The following STIM2 variants were observed in gnomAD, a reference collection of about 807,000 sequenced individuals.
STIM2 encodes stromal interaction molecule 2.
A neutral mutation model predicts 85.8 loss-of-function variants in STIM2; 31 were observed. The ratio of observed to expected loss-of-function variants is 0.36; its 90% CI spans 0.27 to 0.49. The LOEUF is 0.49. STIM2 is among the 20% of genes least tolerant of loss of function. The pLI, the probability that STIM2 is intolerant of heterozygous loss-of-function variation, is 0.98. For missense variants in STIM2, 841 were observed against 927.6 expected, an observed-to-expected ratio of 0.91 and a Z score of 1.21; for synonymous variants, 356 against 331.1, an observed-to-expected ratio of 1.08 and a Z score of -0.82.
chr4:26,959,830 G>C (rs762556824), intron 3 of STIM2, among the ~76,000 whole-genome samples: 58 of 151,804 alleles, frequency 3.8e-4, no homozygotes, highest in Non-Finnish European at 1.3e-4. Flanking sequence ...GATTTCCTCA[G>C]TTCAAACAGT....
intron 3 of STIM2, among the ~76,000 whole-genome samples, chr4:26,976,091 T>C (rs1727176192): frequency 1.3e-5 from 2 of 152,210 alleles, no homozygotes; most frequent in Admixed American, 1.3e-4. Context: ...TGCTGGTTGC[T>C]AAGACCTTGG....
At chr4:26,880,178 T>G (rs983277364) in intron 1 of STIM2, among the ~76,000 whole-genome samples, 2 of 152,196 alleles carry the variant, frequency 1.3e-5, no homozygotes, top group African/African-American at 4.8e-5. Context: ...TCTACCCAGC[T>G]TCCTTTCTGC....
At chr4:26,958,502 T>C (rs1726330797) in intron 3 of STIM2, among the ~76,000 whole-genome samples, 1 of 152,188 alleles carries the variant, frequency 6.6e-6, no homozygotes, top group African/African-American at 2.4e-5. Flanking sequence ...AAAGTTTACT[T>C]GAGTCATTAT....
chr4:26,972,272 A>G (rs1008162414), intron 3 of STIM2, among the ~76,000 whole-genome samples: 151 of 152,094 alleles, frequency 9.9e-4, no homozygotes, highest in African/African-American at 3.3e-3. Context: ...AACTCCCAAC[A>G]CTATGTTGAA....
chr4:26,919,892 C>A (rs1724734334), intron 2 of STIM2, among the ~76,000 whole-genome samples: 1 of 152,096 alleles, frequency 6.6e-6, no homozygotes, highest in Admixed American at 6.6e-5. Context: ...AAACATGTAT[C>A]CTATTCTGAC....
chr4:26,993,375 A>G (rs1348868463), intron 3 of STIM2, among the ~76,000 whole-genome samples: 1 of 152,162 alleles, frequency 6.6e-6, no homozygotes, highest in African/African-American at 2.4e-5. Context: ...CTTTGTTTCA[A>G]TATAAAACTA....
chr4:26,887,026 T>C (rs749001625), intron 1 of STIM2, among the ~76,000 whole-genome samples: 1 of 152,032 alleles, frequency 6.6e-6, no homozygotes, highest in Admixed American at 6.6e-5. Context: ...GTCCTGAAAA[T>C]CAAGTTCATT....
chr4:26,939,654 G>A (rs867088012), intron 2 of STIM2, among the ~76,000 whole-genome samples: 1 of 151,930 alleles, frequency 6.6e-6, no homozygotes, highest in Non-Finnish European at 1.5e-5. Context: ...TGTTAATTGG[G>A]GATGTTTGAA....
At chr4:26,901,158 G>A (rs560349776) in intron 1 of STIM2, among the ~76,000 whole-genome samples, 1 of 152,170 alleles carries the variant, frequency 6.6e-6, no homozygotes, top group South Asian at 2.1e-4. Flanking sequence ...AATCTCAAGC[G>A]TGCTTGTCCG....
At chr4:26,917,269 T>C (rs1307867722) in intron 1 of STIM2, among the ~76,000 whole-genome samples, 1 of 152,202 alleles carries the variant, frequency 6.6e-6, no homozygotes, top group Non-Finnish European at 1.5e-5. Context: ...CCCTTAAATG[T>C]TTACCACTAC....
Position 27,008,744 on chromosome 4 carries a change from T to A in STIM2, c.1251-20T>A. 6.2e-7 allele frequency: 1 copy of A among 1,612,300 alleles called. No individual in the cohort carries two copies. The highest frequency in any genetic ancestry group is 8.5e-7 in the Non-Finnish European group (1 of 1,178,566). Reference sequence around the variant, plus strand: ...AAGACCTTTTGATGCAGTAAGTAATTTCTTTATTGGCTTTTCCAGGAAAGC... The same window carrying A: ...AAGACCTTTTGATGCAGTAAGTAATATCTTTATTGGCTTTTCCAGGAAAGC... On this transcript the variant is annotated intron_variant, in intron 9 of 11. Coordinates refer to ENST00000467087, the MANE Select transcript of STIM2 (RefSeq NM_020860.4).
chr4:26,981,156 A>G (rs1727374234), intron 3 of STIM2, among the ~76,000 whole-genome samples: 1 of 152,214 alleles, frequency 6.6e-6, no homozygotes, highest in South Asian at 2.1e-4. Flanking sequence ...GATTTGTGAC[A>G]TCGGACAGGA....
intron 3 of STIM2, among the ~76,000 whole-genome samples, chr4:26,970,975 G>C (rs1335888506): frequency 6.6e-6 from 1 of 152,162 alleles, no homozygotes; most frequent in African/African-American, 2.4e-5. Context: ...GTTTTAATTT[G>C]CATTTCTCTG....
At chr4:26,987,473 C>T (rs1400660058) in intron 3 of STIM2, among the ~76,000 whole-genome samples, 2 of 152,036 alleles carry the variant, frequency 1.3e-5, no homozygotes, top group Non-Finnish European at 2.9e-5. Context: ...ATAGTCCCGC[C>T]CTTCCCCATA....
At chr4:26,893,679 A>G (rs1010894024) in intron 1 of STIM2, among the ~76,000 whole-genome samples, 4 of 152,178 alleles carry the variant, frequency 2.6e-5, no homozygotes, top group African/African-American at 7.2e-5. Context: ...GGGTTAGGTG[A>G]TATCAGCTTT....
In STIM2 at chr4:26,885,859, A is replaced by ATGTATATATATATATATATATATATATG. The variant is rs1396343361; in HGVS notation, c.151+24491_151+24492insGTATATATATATATATATATATATATGT. 3.4e-4 allele frequency among the ~76,000 whole-genome samples: 30 copies of ATGTATATATATATATATATATATATATG among 89,428 alleles called. 1 individual carries two copies. In the East Asian group the frequency reaches 6.7e-3, roughly 20 times the overall value. 58.7% of individuals were successfully genotyped at this position (89,428 alleles called of 152,430 possible). A position where few individuals can be genotyped will look rare whatever the true frequency, so the allele number is the denominator to read the frequency against. ...TATATATATATATATATATATATAT[A>ATGTATATATATATATATATATATATATG]TATATATATATATATGTATATGTCT... is the stretch of plus-strand genomic sequence containing the variant. On this transcript the variant is annotated intron_variant, in intron 1 of 11. Coordinates refer to ENST00000467087, the MANE Select transcript of STIM2 (RefSeq NM_020860.4).
intron 2 of STIM2, among the ~76,000 whole-genome samples, chr4:26,947,566 G>A (rs1725879758): frequency 6.6e-6 from 1 of 152,046 alleles, no homozygotes; most frequent in African/African-American, 2.4e-5. Context: ...GGCCACAGCC[G>A]CATCTTGATC....
chr4:26,902,970 C>G (rs1181534858), intron 1 of STIM2, among the ~76,000 whole-genome samples: 1 of 152,064 alleles, frequency 6.6e-6, no homozygotes, highest in African/African-American at 2.4e-5. Context: ...TTGTCTTTCT[C>G]TAATATTACA....
chr4:26,947,313 ATAGT>A (rs1183284642), intron 2 of STIM2, among the ~76,000 whole-genome samples: 5 of 152,224 alleles, frequency 3.3e-5, no homozygotes, highest in Admixed American at 6.5e-5. Flanking sequence ...CGAAATACAA[ATAGT>A]TAATAAAAGT....
Sources: allele counts gnomAD v4.1 joint callset (sites outside exome capture counted in the v4.1 genomes callset), GRCh38; gene constraint gnomAD v4.1.1; transcripts MANE v1.5; gene names NCBI Gene and HGNC (gene_info 2026-07-23, HGNC 2026-07-21).